The following NAALADL2 variants were observed in gnomAD, a reference collection of about 807,000 sequenced individuals.
The protein encoded by NAALADL2 is inactive N-acetylated-alpha-linked acidic dipeptidase-like protein 2.
A neutral mutation model predicts 87.2 loss-of-function variants in NAALADL2; 76 were observed. That is an observed-to-expected ratio of 0.87 (90% CI 0.72 to 1.05). NAALADL2 has a LOEUF of 1.05. NAALADL2 is among the 50% of genes least tolerant of loss of function. The pLI, the probability that NAALADL2 is intolerant of heterozygous loss-of-function variation, is 0.00. For missense variants in NAALADL2, 1,089 were observed against 945.8 expected (o/e 1.15, Z -1.99); for synonymous variants, 354 against 331.0 (o/e 1.07, Z -0.75).
intron 3 of NAALADL2, among the ~76,000 whole-genome samples, chr3:174,809,621 T>C (rs1719925342): frequency 1.3e-5 from 2 of 149,916 alleles, no homozygotes; most frequent in African/African-American, 5.0e-5. Context: ...ATATATAACT[T>C]CAAAAAAACA....
At chr3:174,538,931 T>A (rs1721972544) in intron 1 of NAALADL2, among the ~76,000 whole-genome samples, 1 of 152,170 alleles carries the variant, frequency 6.6e-6, no homozygotes, top group African/African-American at 2.4e-5. Flanking sequence ...GAAACCAAGC[T>A]GGAGCCTGAC....
intron 10 of NAALADL2, among the ~76,000 whole-genome samples, chr3:175,581,950 C>T (rs1719846515): frequency 6.6e-6 from 1 of 152,132 alleles, no homozygotes; most frequent in African/African-American, 2.4e-5. Context: ...TTGAGTATTG[C>T]TATCCCATTC....
At chr3:174,652,589 G>A (rs776899421) in intron 2 of NAALADL2, among the ~76,000 whole-genome samples, 41 of 151,964 alleles carry the variant, frequency 2.7e-4, no homozygotes, top group Non-Finnish European at 4.7e-4. Flanking sequence ...TCACTATCAC[G>A]AGAACAGTAT....
chr3:174,726,790 T>A (rs1732233413), intron 2 of NAALADL2, among the ~76,000 whole-genome samples: 1 of 152,110 alleles, frequency 6.6e-6, no homozygotes, highest in South Asian at 2.1e-4. Context: ...AGGCATGGTG[T>A]TTACACTTTT....
At chr3:174,654,918 G>T (rs1269049059) in intron 2 of NAALADL2, among the ~76,000 whole-genome samples, 3 of 151,928 alleles carry the variant, frequency 2.0e-5, no homozygotes, top group Non-Finnish European at 4.4e-5. Context: ...TGTATTTTTA[G>T]TAGAGACGGG....
chr3:174,700,027 C>T (rs985049679), intron 2 of NAALADL2, among the ~76,000 whole-genome samples: 1 of 151,710 alleles, frequency 6.6e-6, no homozygotes, highest in Non-Finnish European at 1.5e-5. Flanking sequence ...TCTTTCCAGA[C>T]TAGTTACTGT....
chr3:175,682,077 C>G (rs1182763251), intron 11 of NAALADL2, among the ~76,000 whole-genome samples: 1 of 151,880 alleles, frequency 6.6e-6, no homozygotes, highest in Non-Finnish European at 1.5e-5. Flanking sequence ...TTGTGTGTCA[C>G]CAATCATAAT....
chr3:175,111,384 G>T (rs899450906), intron 2 of NAALADL2, among the ~76,000 whole-genome samples: 2 of 151,566 alleles, frequency 1.3e-5, no homozygotes, highest in African/African-American at 4.8e-5. Flanking sequence ...TACACAGAAT[G>T]TTTTTGGGTA....
chr3:174,470,470 A>G (rs931703588), intron 1 of NAALADL2, among the ~76,000 whole-genome samples: 3 of 152,038 alleles, frequency 2.0e-5, no homozygotes, highest in African/African-American at 7.2e-5. Flanking sequence ...CTCCATTGAT[A>G]GTTTCTTTTA....
intron 2 of NAALADL2, among the ~76,000 whole-genome samples, chr3:174,657,716 C>T (rs1001762460): frequency 6.6e-6 from 1 of 152,052 alleles, no homozygotes; most frequent in African/African-American, 2.4e-5. Context: ...ATCATGTATC[C>T]AACATTATAG....
chr3:174,829,297 G>A (rs1372876324), intron 3 of NAALADL2, among the ~76,000 whole-genome samples: 1 of 148,820 alleles, frequency 6.7e-6, no homozygotes, highest in East Asian at 2.0e-4. Context: ...CCCAGAGTGT[G>A]ATGTTCCCCT....
intron 5 of NAALADL2, among the ~76,000 whole-genome samples, chr3:175,333,223 T>C (rs1761604915): frequency 6.6e-6 from 1 of 152,038 alleles, no homozygotes; most frequent in African/African-American, 2.4e-5. Flanking sequence ...TCAGCTGTGG[T>C]GGTGGTGGCA....
At chr3:175,261,813 G>T (rs1225231482) in intron 4 of NAALADL2, among the ~76,000 whole-genome samples, 1 of 151,932 alleles carries the variant, frequency 6.6e-6, no homozygotes, top group Admixed American at 6.6e-5. Context: ...TAAGCAAATG[G>T]CTTTTAGATA....
intron 2 of NAALADL2, among the ~76,000 whole-genome samples, chr3:175,200,883 C>T (rs2219612): frequency 0.26 from 39,902 of 151,986 alleles, 6,071 homozygotes; most frequent in Admixed American, 0.36. Flanking sequence ...CTGTACTTAT[C>T]ATGACCTCTT....
chr3:174,958,549 C>G (rs1025351213), intron 1 of NAALADL2, among the ~76,000 whole-genome samples: 2 of 151,964 alleles, frequency 1.3e-5, no homozygotes, highest in African/African-American at 4.8e-5. Context: ...TGGAGTGATT[C>G]AATAACTGAT....
intron 2 of NAALADL2, among the ~76,000 whole-genome samples, chr3:174,726,742 A>G (rs1236898638): frequency 1.3e-5 from 2 of 151,604 alleles, no homozygotes; most frequent in East Asian, 1.9e-4. Flanking sequence ...CTTGCCCCTC[A>G]GGATTTCGTG....
intron 2 of NAALADL2, among the ~76,000 whole-genome samples, chr3:174,576,677 A>G (rs1715559446): frequency 6.6e-6 from 1 of 152,154 alleles, no homozygotes; most frequent in South Asian, 2.1e-4. Context: ...GAACACAGCC[A>G]TTCTGTGTTG....
intron 1 of NAALADL2, among the ~76,000 whole-genome samples, chr3:174,973,443 T>C (rs1395471567): frequency 6.6e-6 from 1 of 152,178 alleles, no homozygotes; most frequent in African/African-American, 2.4e-5. Flanking sequence ...TCCATTTTAT[T>C]TTTATGTGGT....
At chr3:175,207,918 C>T (rs1039963808) in intron 2 of NAALADL2, among the ~76,000 whole-genome samples, 4 of 152,032 alleles carry the variant, frequency 2.6e-5, no homozygotes, top group East Asian at 1.9e-4. Flanking sequence ...GATTTTGAAA[C>T]CATAGAATCA....
Sources: allele counts gnomAD v4.1 joint callset (sites outside exome capture counted in the v4.1 genomes callset), GRCh38; gene constraint gnomAD v4.1.1; transcripts MANE v1.5; gene names NCBI Gene and HGNC (gene_info 2026-07-23, HGNC 2026-07-21).